Variants in MAST2 observed in about 807,000 individuals in gnomAD.
MAST2 encodes microtubule associated serine/threonine kinase 2.
A neutral mutation model predicts 147.4 loss-of-function variants in MAST2; 70 were observed. That is an observed-to-expected ratio of 0.47 (90% CI 0.39 to 0.58). The LOEUF (loss-of-function observed/expected upper bound fraction) is 0.58, where lower values mean the gene tolerates loss of function less well. Among genes scored for constraint, MAST2 ranks in the 20% least tolerant of loss-of-function variants. The probability of loss-of-function intolerance (pLI) is 0.00; values close to 1 mark genes in which losing one functional copy is unlikely to be tolerated. For missense variants in MAST2, 2,080 were observed against 2,302.3 expected (o/e 0.90, Z 1.98); for synonymous variants, 869 against 896.8 (o/e 0.97, Z 0.55).
chr1:46,032,390 C>T lies in MAST2; in HGVS notation c.3400C>T (p.His1134Tyr). The T allele has an allele frequency of 6.2e-7, 1 of 1,614,010 alleles. No individual in the cohort carries two copies. The highest frequency in any genetic ancestry group is 1.3e-5 in the African/African-American group (1 of 75,070). ...YMGDSDVYTVHHMVWHVEDGG... is the reference protein window; with the variant it reads ...YMGDSDVYTVYHMVWHVEDGG... ...GGGTGACTCCGATGTCTACACCGTG[C>T]ACCATATGGTGTGGGTATGTCTGAC... The change falls in exon 25 of 29, where the codon CAC becomes TAC. Residue 1134 changes from histidine to tyrosine, a missense_variant. Physicochemically the swap from His to Tyr is moderately conservative, Grantham distance 83 (BLOSUM62 2). Around this residue, in one of 4 missense-constraint regions of MAST2, gnomAD observed 1,278 missense variants for 1,304.2 expected, o/e 0.98. Coordinates refer to ENST00000361297, the MANE Select transcript of MAST2 (RefSeq NM_015112.3).
intron 4 of MAST2, among the ~76,000 whole-genome samples, chr1:45,907,444 A>C (rs1402712603): frequency 6.6e-6 from 1 of 151,354 alleles, no homozygotes; most frequent in African/African-American, 2.4e-5. Context: ...GGTATATATA[A>C]CAAAATTTGC....
At chr1:45,883,912 G>GTCCCCCCCC (rs1646959444) in intron 4 of MAST2, among the ~76,000 whole-genome samples, 2 of 2,488 alleles carry the variant, frequency 8.0e-4, no homozygotes, top group Non-Finnish European at 2.0e-3. Context: ...TACTATTTCT[G>GTCCCCCCCC]CCCCCCCCGC....
chr1:46,012,310 T>G (rs1338280595), intron 10 of MAST2, among the ~76,000 whole-genome samples: 1 of 152,220 alleles, frequency 6.6e-6, no homozygotes, highest in Non-Finnish European at 1.5e-5. Flanking sequence ...CCCAAAACCT[T>G]TAGGCATTTT....
chr1:45,961,765 T>C (rs1004765501), intron 5 of MAST2, among the ~76,000 whole-genome samples: 3 of 139,058 alleles, frequency 2.2e-5, no homozygotes, highest in Admixed American at 6.8e-5. Flanking sequence ...CCTCAAATCT[T>C]TTTTTTTATA....
chr1:45,805,077 T>A (rs1249888290), intron 1 of MAST2, among the ~76,000 whole-genome samples: 2 of 141,778 alleles, frequency 1.4e-5, no homozygotes, highest in Admixed American at 7.5e-5. Context: ...TGAGACGAAG[T>A]CTCGCTCTGT....
At chr1:45,894,218 TA>T (rs61201783) in intron 4 of MAST2, among the ~76,000 whole-genome samples, 32,943 of 142,956 alleles carry the variant, frequency 0.23, 4,273 homozygotes, top group African/African-American at 0.37. Flanking sequence ...TGTCTCAAAT[TA>T]AAAAAAAAAA....
intron 17 of MAST2, among the ~76,000 whole-genome samples, 163 bp downstream of exon 17, chr1:46,028,026 C>T (rs1646490932): frequency 6.6e-6 from 1 of 152,222 alleles, no homozygotes. Context: ...TTTGTGTACA[C>T]ATACATAGAT....
intron 4 of MAST2, among the ~76,000 whole-genome samples, chr1:45,925,895 C>T (rs1432072055): frequency 1.3e-5 from 2 of 152,170 alleles, no homozygotes; most frequent in Non-Finnish European, 1.5e-5. Flanking sequence ...CTATGTCACA[C>T]GTATGAGAGA....
At chr1:45,935,240 G>A (rs1330241913) in intron 4 of MAST2, among the ~76,000 whole-genome samples, 1 of 151,954 alleles carries the variant, frequency 6.6e-6, no homozygotes, top group African/African-American at 2.4e-5. Context: ...TTTTTAATGG[G>A]GTTATTTGTT....
chr1:46,020,509 C>T (rs1444934112), intron 11 of MAST2, among the ~76,000 whole-genome samples: 2 of 152,034 alleles, frequency 1.3e-5, no homozygotes, highest in Non-Finnish European at 2.9e-5. Context: ...GTGACATGGC[C>T]GCATTTACTT....
At chr1:45,829,690 C>G (rs1003818290) in intron 3 of MAST2, 109 bp downstream of exon 3, 4 of 1,184,988 alleles carry the variant, frequency 3.4e-6, no homozygotes, top group Non-Finnish European at 4.8e-6. Flanking sequence ...ATTCAGTTTC[C>G]CAAAATGAAG....
intron 4 of MAST2, among the ~76,000 whole-genome samples, chr1:45,913,088 T>C (rs1223480289): frequency 6.6e-6 from 1 of 152,248 alleles, no homozygotes; most frequent in African/African-American, 2.4e-5. Context: ...TTATGGCTTT[T>C]CTTACCACAA....
chr1:46,032,956 C>T (rs546168272), intron 26 of MAST2, among the ~76,000 whole-genome samples: 87 of 145,366 alleles, frequency 6.0e-4, no homozygotes, highest in African/African-American at 2.0e-3. Flanking sequence ...CATGGTGAAA[C>T]CCTGCCTCTA....
chr1:45,979,439 T>G (rs1367655787), intron 5 of MAST2, among the ~76,000 whole-genome samples: 1 of 151,474 alleles, frequency 6.6e-6, no homozygotes, highest in Non-Finnish European at 1.5e-5. Flanking sequence ...GTTTTTTTTT[T>G]TTTTTTTTGG....
chr1:45,996,062 G>A (rs1249727319), intron 5 of MAST2, among the ~76,000 whole-genome samples: 1 of 151,256 alleles, frequency 6.6e-6, no homozygotes, highest in Admixed American at 6.6e-5. Context: ...GCTCAGTGGT[G>A]CTGTTTATTT....
intron 20 of MAST2, 82 bp downstream of exon 20, chr1:46,030,035 G>A: frequency 6.2e-7 from 1 of 1,602,102 alleles, no homozygotes; most frequent in South Asian, 1.1e-5. Flanking sequence ...ATTGCATTGG[G>A]AGCAACTTCT....
chr1:45,890,998 A>G (rs1369036259), intron 4 of MAST2, among the ~76,000 whole-genome samples: 1 of 148,988 alleles, frequency 6.7e-6, no homozygotes, highest in African/African-American at 2.5e-5. Context: ...TAAATATTTA[A>G]CTCATTGTTA....
At position 46,032,305 on chromosome 1, in the gene MAST2, C is replaced by A; in HGVS notation, c.3315C>A (p.Ile1105=). 1 of 1,614,244 alleles carries A rather than the reference C, an allele frequency of 6.2e-7. No individual in the cohort carries two copies. Among genetic ancestry groups the A allele is most frequent in the Non-Finnish European group, 8.5e-7 (1 of 1,180,048 alleles). ...LPALGSMRPP[I]IIHRAGKKYG... is the part of the protein sequence containing the mutation. Reference sequence around the variant, plus strand: ...CCCTTGGCAGCATGAGGCCTCCCATCATCATCCACCGAGCTGGCAAGAAGT... The same window carrying A: ...CCCTTGGCAGCATGAGGCCTCCCATAATCATCCACCGAGCTGGCAAGAAGT... Residue 1105 remains isoleucine, a synonymous_variant, in exon 25 of 29, where the codon ATC becomes ATA. Coordinates refer to ENST00000361297, the MANE Select transcript of MAST2 (RefSeq NM_015112.3).
chr1:45,966,628 A>T (rs1570971985), intron 5 of MAST2, among the ~76,000 whole-genome samples: 1 of 152,146 alleles, frequency 6.6e-6, no homozygotes, highest in East Asian at 1.9e-4. Flanking sequence ...AGGCTGACGC[A>T]GGAGAATCGC....
Sources: allele counts gnomAD v4.1 joint callset (sites outside exome capture counted in the v4.1 genomes callset), GRCh38; gene constraint gnomAD v4.1.1; regional missense constraint gnomAD v4.1.1; transcripts MANE v1.5; gene names NCBI Gene and HGNC (gene_info 2026-07-23, HGNC 2026-07-21).